The following PRMT9 variants were observed in gnomAD, a reference collection of about 807,000 sequenced individuals.
The protein encoded by PRMT9 is protein arginine N-methyltransferase 9.
Under a neutral mutation model 83.2 loss-of-function variants are expected in PRMT9, and 59 were observed. The ratio of observed to expected loss-of-function variants is 0.71; its 90% confidence interval spans 0.57 to 0.88. The LOEUF (loss-of-function observed/expected upper bound fraction) is 0.88. Among genes scored for constraint, PRMT9 ranks in the 40% least tolerant of loss-of-function variants. The pLI is 0.00. For missense variants in PRMT9, 947 were observed against 1,021.9 expected (o/e 0.93, Z 1.00); for synonymous variants, 333 against 353.2 (o/e 0.94, Z 0.64).
intron 7 of PRMT9, among the ~76,000 whole-genome samples, 166 bp downstream of exon 7, chr4:147,660,680 C>T (rs1734890265): frequency 6.6e-6 from 1 of 152,074 alleles, no homozygotes. Flanking sequence ...AGGAAGAAAG[C>T]AAATAATTTC....
chr4:147,657,730 A>T, intron 8 of PRMT9, 62 bp downstream of exon 8: 10 of 1,304,396 alleles, frequency 7.7e-6, no homozygotes, highest in Admixed American at 7.6e-5. Flanking sequence ...TTTTTTTGCC[A>T]CTGACTTGAA....
chr4:147,668,047 C>T (rs1186115474), intron 6 of PRMT9, among the ~76,000 whole-genome samples: 2 of 151,508 alleles, frequency 1.3e-5, no homozygotes, highest in African/African-American at 4.8e-5. Flanking sequence ...CACAAAACTA[C>T]AAATCCTCAC....
chr4:147,639,391 T>G, intron 10 of PRMT9: 1 of 290,518 alleles, frequency 3.4e-6, no homozygotes, highest in Non-Finnish European at 6.6e-6. Flanking sequence ...AAATTTTTTC[T>G]TAAGCCAAAC....
Position 147,660,941 on chromosome 4 carries a change from G to C in PRMT9, c.1051C>G (p.Pro351Ala). The C allele has an allele frequency of 1.9e-6, 3 of 1,612,552 alleles. No individual in the cohort carries two copies. The highest frequency in any genetic ancestry group is 2.5e-6 in the Non-Finnish European group (3 of 1,178,726). ...CGACTCATCTTTTCAGTTGTATAAGGTTCAATTGTTTCTTCAGTATCTACA... is the reference window on the plus strand; with the variant it reads ...CGACTCATCTTTTCAGTTGTATAAGCTTCAATTGTTTCTTCAGTATCTACA... ...SSVDTEETIE[P>A]YTTEKMSRVP... Residue 351 changes from proline to alanine, a missense_variant, in exon 7 of 12, where the codon CCT (proline) becomes GCT (alanine). Coordinates refer to ENST00000322396, the MANE Select transcript of PRMT9 (RefSeq NM_138364.4).
In PRMT9 at chr4:147,649,794, C is replaced by T. The variant is rs547174104; in HGVS notation, c.2045+4058G>A. On this transcript the variant is annotated intron_variant, in intron 9 of 11. Coordinates refer to ENST00000322396, the MANE Select transcript of PRMT9 (RefSeq NM_138364.4). ...TGCTGGCATTACAGGCATGAGCCAC[C>T]GCATCCAGCAAGAATGAACATTTAA... Among the ~76,000 whole-genome samples the T allele has an allele frequency of 5.9e-5, 9 of 152,252 alleles. No homozygotes were observed. The East Asian group carries it at 1.7e-3, about 29-fold the overall frequency.
At chr4:147,668,382 T>C (rs1053999160) in intron 6 of PRMT9, among the ~76,000 whole-genome samples, 157 bp downstream of exon 6, 3 of 152,216 alleles carry the variant, frequency 2.0e-5, no homozygotes, top group African/African-American at 4.8e-5. Flanking sequence ...CCTGCTGCCA[T>C]ATAAGACGTG....
chr4:147,647,370 CTA>C (rs1054064708), intron 9 of PRMT9, among the ~76,000 whole-genome samples: 5 of 152,066 alleles, frequency 3.3e-5, no homozygotes, highest in African/African-American at 1.2e-4. Flanking sequence ...TTTGACATCC[CTA>C]TGATTTCATC....
chr4:147,653,765 G>A, intron 9 of PRMT9, 87 bp downstream of exon 9: 1 of 902,352 alleles, frequency 1.1e-6, no homozygotes, highest in South Asian at 1.5e-5. Flanking sequence ...TATTTTTACA[G>A]TTAAGCGATT....
At chr4:147,675,153 T>A (rs943994992) in intron 2 of PRMT9, among the ~76,000 whole-genome samples, 10 of 152,140 alleles carry the variant, frequency 6.6e-5, no homozygotes, top group African/African-American at 2.4e-4. Flanking sequence ...GCTAATTTTG[T>A]ATTTTTAGTA....
intron 1 of PRMT9, among the ~76,000 whole-genome samples, chr4:147,681,441 T>C (rs1340349777): frequency 1.3e-5 from 2 of 152,202 alleles, no homozygotes; most frequent in African/African-American, 4.8e-5. Context: ...TACAAAAGCG[T>C]TGATATTTGG....
intron 8 of PRMT9, among the ~76,000 whole-genome samples, chr4:147,654,850 A>G (rs1734373687): frequency 6.6e-6 from 1 of 152,194 alleles, no homozygotes; most frequent in Non-Finnish European, 1.5e-5. Context: ...TGCCATCACT[A>G]GGTCTCTCCA....
intron 9 of PRMT9, among the ~76,000 whole-genome samples, chr4:147,653,628 C>T (rs748000618): frequency 9.9e-5 from 15 of 152,046 alleles, no homozygotes; most frequent in Admixed American, 8.5e-4. Context: ...ATTATGGGAA[C>T]GTGTCAAAAA....
rs11321232 is a variant in PRMT9, at chr4:147,677,445, A to AT, written c.338+2877dup. 1.6e-3 allele frequency among the ~76,000 whole-genome samples: 110 copies of AT among 70,830 alleles called. 3 individuals carry two copies. Among genetic ancestry groups the AT allele is most frequent in the African/African-American group, 3.9e-3 (79 of 20,400 alleles). 46.5% of individuals were successfully genotyped at this position (70,830 alleles called of 152,430 possible). ...AAGTCATTCTGTCTTGACAGGTAGA[A>AT]TTTTTTTTTTTTTTTTTTTTTTTTT... On this transcript the variant is annotated intron_variant, in intron 2 of 11. Transcript: ENST00000322396.
At chr4:147,673,991 C>T in intron 2 of PRMT9, 117 bp from the exon 3 acceptor site, 1 of 810,926 alleles carries the variant, frequency 1.2e-6, no homozygotes, top group Non-Finnish European at 2.1e-6. Flanking sequence ...CCAAATCCTG[C>T]CAATCCAAGT....
intron 1 of PRMT9, 34 bp from the exon 2 acceptor site, chr4:147,680,505 AATAAC>A: frequency 6.8e-7 from 1 of 1,474,858 alleles, no homozygotes; most frequent in Non-Finnish European, 9.4e-7. Context: ...TGAATTAGTC[AATAAC>A]ATAAAAGATG....
chr4:147,647,159 T>C (rs1733784546), intron 9 of PRMT9, among the ~76,000 whole-genome samples: 1 of 152,124 alleles, frequency 6.6e-6, no homozygotes, highest in Admixed American at 6.5e-5. Flanking sequence ...ACCCAGTCAT[T>C]GTACCCTAGC....
At chr4:147,659,065 G>T (rs2126605504) in intron 7 of PRMT9, among the ~76,000 whole-genome samples, 1 of 152,162 alleles carries the variant, frequency 6.6e-6, no homozygotes, top group African/African-American at 2.4e-5. Context: ...TGTAGTCCCA[G>T]CTACTCGGGA....
chr4:147,663,301 C>T (rs1409322873), intron 6 of PRMT9, among the ~76,000 whole-genome samples: 2 of 152,166 alleles, frequency 1.3e-5, no homozygotes, highest in East Asian at 3.9e-4. Context: ...AACCACCGCG[C>T]CCAGCCTACT....
Position 147,683,830 on chromosome 4 carries a change from C to T in PRMT9, c.158G>A (p.Ser53Asn). The change falls in exon 1 of 12, where the codon AGC becomes AAC. Residue 53 changes from serine (S) to asparagine (N), a missense_variant. Ser to Asn is a conservative substitution (Grantham distance 46). Coordinates refer to ENST00000322396, the MANE Select transcript of PRMT9 (RefSeq NM_138364.4). ...GTCGTGTTTCAGCTCCGGCGCCAGG[C>T]TGAGCACGAGGAGGTAGTGGGCATA... ...TAYAHYLLVL[S>N]LAPELKHDVK... is the part of the protein sequence containing the mutation. The T allele has an allele frequency of 6.2e-7, 1 of 1,611,368 alleles. No individual in the cohort carries two copies. The highest frequency in any genetic ancestry group is 1.1e-5 in the South Asian group (1 of 91,026).
Sources: allele counts gnomAD v4.1 joint callset (sites outside exome capture counted in the v4.1 genomes callset), GRCh38; gene constraint gnomAD v4.1.1; transcripts MANE v1.5; gene names NCBI Gene and HGNC (gene_info 2026-07-23, HGNC 2026-07-21).